Variants in LYST observed in about 807,000 individuals in gnomAD.
LYST encodes the protein lysosomal trafficking regulator.
A neutral mutation model predicts 413.6 loss-of-function variants in LYST; 192 were observed. The ratio of observed to expected loss-of-function variants is 0.46; its 90% confidence interval spans 0.41 to 0.52. The LOEUF (loss-of-function observed/expected upper bound fraction) is 0.52. Among genes scored for constraint, LYST ranks in the 20% least tolerant of loss-of-function variants. The probability of loss-of-function intolerance (pLI) is 0.00; values close to 1 mark genes in which losing one functional copy is unlikely to be tolerated. For missense variants in LYST, 3,815 were observed against 4,499.9 expected (o/e 0.85, Z 4.35); for synonymous variants, 1,525 against 1,567.3 (o/e 0.97, Z 0.64).
At chr1:235,792,369 C>T (rs965473564) in intron 11 of LYST, among the ~76,000 whole-genome samples, 1 of 151,952 alleles carries the variant, frequency 6.6e-6, no homozygotes, top group African/African-American at 2.4e-5. Flanking sequence ...GGCTGGAGTG[C>T]AGTTGCACAA....
intron 36 of LYST, 59 bp downstream of exon 36, chr1:235,730,788 C>T: frequency 9.6e-7 from 1 of 1,044,530 alleles, no homozygotes. Context: ...ATTACATAAA[C>T]ACTACAATAA....
Position 235,759,373 on chromosome 1 carries a change from T to C in LYST, c.6480A>G (p.Lys2160=), listed in dbSNP as rs1171359553. The C allele has an allele frequency of 5.0e-6, 8 of 1,614,092 alleles. No individual in the cohort carries two copies. The East Asian group carries it at 1.3e-4, about 27-fold the overall frequency. Residue 2160 remains lysine, a synonymous_variant, in exon 23 of 53, where the codon AAA becomes AAG. Transcript: ENST00000389793. ...CACAGCTACTGATGAATGCGTCCTC[T>C]TTGCCTTTTTTCAGTGTGTCGGAAC... The part of the protein sequence containing the change: ...LGSSDTLKKG[K]EDAFISSCES...
chr1:235,764,728 C>T (rs1242315124), intron 21 of LYST, among the ~76,000 whole-genome samples: 4 of 151,798 alleles, frequency 2.6e-5, no homozygotes, highest in African/African-American at 7.3e-5. Context: ...GTCTTGAACT[C>T]CTGACCTCAG....
rs749677074 is a variant in LYST, at chr1:235,663,053, G to A, written c.11293C>T (p.His3765Tyr). Residue 3765 changes from histidine (H) to tyrosine (Y), a missense_variant, in exon 53 of 53, where the codon CAT becomes TAT. This residue lies in a region of LYST where 866 missense variants were observed against 1,156.0 expected (regional missense o/e 0.75). Transcript: ENST00000389793. ...CCATCACTGTTTGCTGTGTACAAAT[G>A]GTGGCCATCACAAGAAAATGTAAGG... ...ISLTFSCDGHHLYTANSDGTV... is the reference protein window; with the variant it reads ...ISLTFSCDGHYLYTANSDGTV... 2 of 1,612,494 alleles carry A rather than the reference G, an allele frequency of 1.2e-6. No homozygotes were observed. Among genetic ancestry groups the A allele is most frequent in the Non-Finnish European group, 1.7e-6 (2 of 1,179,432 alleles).
intron 1 of LYST, among the ~76,000 whole-genome samples, chr1:235,860,897 A>T (rs1397419861): frequency 1.3e-5 from 2 of 151,952 alleles, no homozygotes; most frequent in Admixed American, 6.6e-5. Flanking sequence ...TTCTTCCATT[A>T]TAGATTAATA....
At chr1:235,838,957 T>C (rs1676878143) in intron 1 of LYST, among the ~76,000 whole-genome samples, 1 of 152,114 alleles carries the variant, frequency 6.6e-6, no homozygotes, top group African/African-American at 2.4e-5. Context: ...ATTCTCTCTC[T>C]CTCCCCCTAC....
At chr1:235,877,294 T>G (rs1287878907) in intron 1 of LYST, among the ~76,000 whole-genome samples, 1 of 152,194 alleles carries the variant, frequency 6.6e-6, no homozygotes, top group Non-Finnish European at 1.5e-5. Context: ...CTGGAGCCTC[T>G]GATGGAAGAA....
At position 235,758,987 on chromosome 1, in the gene LYST, G is replaced by C. The variant is rs745989710; in HGVS notation, c.6866C>G (p.Thr2289Ser). The part of the protein sequence containing the change: ...SLGYEPNYNR[T>S]ASAHSVTEDC... ...ACATAAGTACCTGTGAGCACTTGCA[G>C]TTCGGTTGTAATTTGGCTCATAACC... is the stretch of plus-strand genomic sequence containing the variant. The change falls in exon 23 of 53, where the codon ACT becomes AGT. Residue 2289 changes from threonine (T) to serine (S), a missense_variant. Transcript: ENST00000389793. 4.7e-5 allele frequency: 76 copies of C among 1,613,916 alleles called. No homozygotes were observed. Among genetic ancestry groups the C allele is most frequent in the Non-Finnish European group, 6.3e-5 (74 of 1,179,966 alleles).
At chr1:235,825,725 A>G (rs899152233) in intron 3 of LYST, among the ~76,000 whole-genome samples, 3 of 152,246 alleles carry the variant, frequency 2.0e-5, no homozygotes, top group Admixed American at 2.0e-4. Context: ...ATGCATTGGA[A>G]AACTCAACAT....
intron 50 of LYST, among the ~76,000 whole-genome samples, chr1:235,665,748 A>G (rs1225413839): frequency 6.6e-6 from 1 of 152,112 alleles, no homozygotes; most frequent in Non-Finnish European, 1.5e-5. Context: ...ATTAAATCTT[A>G]TAAAGCAATA....
Position 235,804,536 on chromosome 1 carries a change from C to A in LYST, c.3523G>T (p.Asp1175Tyr). 6.2e-7 allele frequency: 1 copy of A among 1,613,836 alleles called. No homozygotes were observed. Among genetic ancestry groups the A allele is most frequent in the Non-Finnish European group, 8.5e-7 (1 of 1,179,780 alleles). The stretch of plus-strand genomic sequence containing the variant: ...GTCATAGCATCATTATGTTCAAAAT[C>A]TGCTGAATAATTCCCGAGGGCAACT... ...LRVALGNYSA[D>Y]FEHNDAMTEK... The change falls in exon 7 of 53, where the codon GAT (aspartate) becomes TAT (tyrosine). Residue 1175 changes from aspartate to tyrosine, a missense_variant. Coordinates refer to ENST00000389793, the MANE Select transcript of LYST (RefSeq NM_000081.4).
chr1:235,741,788 A>C (rs1050429135), intron 30 of LYST, among the ~76,000 whole-genome samples, 160 bp from the exon 31 acceptor site: 2 of 152,224 alleles, frequency 1.3e-5, no homozygotes, highest in Non-Finnish European at 2.9e-5. Flanking sequence ...TACACATAGG[A>C]GTTTAAAAGA....
At chr1:235,861,215 T>C (rs1421868543) in intron 1 of LYST, among the ~76,000 whole-genome samples, 2 of 152,228 alleles carry the variant, frequency 1.3e-5, no homozygotes, top group African/African-American at 4.8e-5. Context: ...TATGTTTTAA[T>C]TTCAAAGAAT....
Position 235,782,078 on chromosome 1 carries a change from A to G in LYST, c.4872T>C (p.Asp1624=). Reference sequence around the variant, plus strand: ...TTGGAAGCATAAAATCCAAAGTAACATCAGGCTTCCTACATTAAAAACAAA... The same window carrying G: ...TTGGAAGCATAAAATCCAAAGTAACGTCAGGCTTCCTACATTAAAAACAAA... ...SIWVSGQRKP[D]VTLDFMLPRK... is the part of the protein sequence containing the mutation. Residue 1624 remains aspartate (D), a synonymous_variant, in exon 15 of 53, where the codon GAT becomes GAC. Coordinates refer to ENST00000389793, the MANE Select transcript of LYST (RefSeq NM_000081.4). The G allele has an allele frequency of 1.9e-6, 3 of 1,612,450 alleles. No individual in the cohort carries two copies. The highest frequency in any genetic ancestry group is 2.5e-6 in the Non-Finnish European group (3 of 1,178,884).
In LYST at chr1:235,810,135, A is replaced by G. The variant is rs1196144661; in HGVS notation, c.683T>C (p.Ile228Thr). Residue 228 changes from isoleucine to threonine, a missense_variant, in exon 5 of 53, where the codon ATT becomes ACT. Coordinates refer to ENST00000389793, the MANE Select transcript of LYST (RefSeq NM_000081.4). ...AMALENSREIIPRQGSNTDIL... is the reference protein window; with the variant it reads ...AMALENSREITPRQGSNTDIL... The stretch of plus-strand genomic sequence containing the variant: ...GTCAGTGTTTGACCCCTGTCTTGGA[A>G]TAATCTCTCTGGAATTTTCCAAAGC... 1 of 1,614,198 alleles carries G rather than the reference A, an allele frequency of 6.2e-7. No homozygotes were observed. The highest frequency in any genetic ancestry group is 1.7e-5 in the Admixed American group (1 of 60,014).
At chr1:235,670,988 T>C (rs1307912645) in intron 50 of LYST, among the ~76,000 whole-genome samples, 2 of 152,188 alleles carry the variant, frequency 1.3e-5, no homozygotes, top group African/African-American at 2.4e-5. Flanking sequence ...GTTAAAATAT[T>C]GGAAAGATAA....
At position 235,755,524 on chromosome 1, in the gene LYST, A is replaced by G; in HGVS notation, c.7183T>C (p.Cys2395Arg). 6.2e-7 allele frequency: 1 copy of G among 1,613,886 alleles called. No individual in the cohort carries two copies. Among genetic ancestry groups the G allele is most frequent in the East Asian group, 2.2e-5 (1 of 44,866 alleles). Reference protein sequence around the residue: ...LHRGTQELLECFIEMFFGRHI... With the variant: ...LHRGTQELLERFIEMFFGRHI... ...CGACCAAAGAACATTTCGATGAAGC[A>G]TTCTAACAATTCTTGAGTTCCTCGA... Residue 2395 changes from cysteine (C) to arginine (R), a missense_variant, in exon 25 of 53, where the codon TGC becomes CGC. Cys to Arg is a radical substitution (Grantham distance 180). This residue lies in a region of LYST where 771 missense variants were observed against 837.1 expected (regional missense o/e 0.92). Coordinates refer to ENST00000389793, the MANE Select transcript of LYST (RefSeq NM_000081.4).
rs1348579266 is a variant in LYST, at chr1:235,791,959, C to G, written c.4283G>C (p.Arg1428Thr). Residue 1428 changes from arginine to threonine, a missense_variant, in exon 12 of 53, where the codon AGA (arginine) becomes ACA (threonine). This residue lies in a region of LYST where 1,648 missense variants were observed against 1,810.3 expected (regional missense o/e 0.91). Coordinates refer to ENST00000389793, the MANE Select transcript of LYST (RefSeq NM_000081.4). Reference sequence around the variant, plus strand: ...TTTCTTGCTCCGTGAAACTCGTGCTCTTCTCAATAAACCCATGGCCTTACT... The same window carrying G: ...TTTCTTGCTCCGTGAAACTCGTGCTGTTCTCAATAAACCCATGGCCTTACT... Reference protein sequence around the residue: ...LNSKAMGLLRRARVSRSKKEA... With the variant: ...LNSKAMGLLRTARVSRSKKEA... The G allele has an allele frequency of 6.2e-7, 1 of 1,614,030 alleles. No homozygotes were observed. The highest frequency in any genetic ancestry group is 1.7e-5 in the Admixed American group (1 of 60,010).
chr1:235,758,119 G>A (rs1667220805), intron 23 of LYST, among the ~76,000 whole-genome samples: 1 of 152,162 alleles, frequency 6.6e-6, no homozygotes, highest in Non-Finnish European at 1.5e-5. Flanking sequence ...GGTGAAAGGA[G>A]ATTTTTTTCA....
Sources: allele counts gnomAD v4.1 joint callset (sites outside exome capture counted in the v4.1 genomes callset), GRCh38; gene constraint gnomAD v4.1.1; regional missense constraint gnomAD v4.1.1; transcripts MANE v1.5; gene names NCBI Gene and HGNC (gene_info 2026-07-23, HGNC 2026-07-21).